Variants in NFIC observed in about 807,000 individuals in gnomAD.
NFIC encodes the protein nuclear factor 1 C-type.
Under a neutral mutation model 54.4 loss-of-function variants are expected in NFIC, and 12 were observed. That is an observed-to-expected ratio of 0.22 (90% confidence interval 0.14 to 0.36). The LOEUF (loss-of-function observed/expected upper bound fraction) is 0.36. Ranked by LOEUF, NFIC falls within the 10% of genes least tolerant of loss-of-function variation. NFIC has a pLI of 1.00. For synonymous variants in NFIC, 322 were observed against 319.2 expected (o/e 1.01, Z -0.09); for missense variants, 575 against 718.2 (o/e 0.80, Z 2.28).
chr19:3,430,760 C>T (rs1364186888), intron 3 of NFIC, among the ~76,000 whole-genome samples: 3 of 151,782 alleles, frequency 2.0e-5, no homozygotes, highest in South Asian at 2.1e-4. Context: ...GGTGAAACCC[C>T]GTCTCTATTA....
At chr19:3,438,645 G>T (rs2082244549) in intron 6 of NFIC, among the ~76,000 whole-genome samples, 1 of 151,928 alleles carries the variant, frequency 6.6e-6, no homozygotes, top group Admixed American at 6.6e-5. Context: ...CACCGTGTTA[G>T]CCAGGATGGT....
At chr19:3,368,374 C>A (rs1220113604) in intron 1 of NFIC, among the ~76,000 whole-genome samples, 1 of 152,172 alleles carries the variant, frequency 6.6e-6, no homozygotes. Context: ...CCAGTCCAGG[C>A]TTTGCCTCAG....
In NFIC at chr19:3,459,709, A is replaced by G. The variant is rs1383083995; in HGVS notation, c.1510-3043A>G. Among the ~76,000 whole-genome samples, 1 of 152,220 alleles carries G rather than the reference A, an allele frequency of 6.6e-6. No homozygotes were observed. Among genetic ancestry groups the G allele is most frequent in the African/African-American group, 2.4e-5 (1 of 41,464 alleles). On this transcript the variant is annotated intron_variant, in intron 10 of 10. Coordinates refer to ENST00000443272, the MANE Select transcript of NFIC (RefSeq NM_001245002.2). The surrounding 1 kb of genome is among the most constrained non-coding windows in gnomAD (Gnocchi z 4.2). ...GGAAGGGCTGAGGGGAGGCTGGTCC[A>G]CCACGGGGAGGGTCACGCCCAGAGT...
chr19:3,375,528 C>T lies in NFIC; in HGVS notation c.31-6184C>T, dbSNP rs2145451068. ...TTGGACAGGGCCTGGGCCGGGCCCC[C>T]TCCACCTCCCCTTTGCCTTAGCAGG... On this transcript the variant is annotated intron_variant, in intron 1 of 10. Coordinates refer to ENST00000443272, the MANE Select transcript of NFIC (RefSeq NM_001245002.2). The surrounding 1 kb of genome is among the most constrained non-coding windows in gnomAD (Gnocchi z 4.6). Among the ~76,000 whole-genome samples, 1 of 152,358 alleles carries T rather than the reference C, an allele frequency of 6.6e-6. No individual in the cohort carries two copies. Among genetic ancestry groups the T allele is most frequent in the Middle Eastern group, 3.4e-3 (1 of 294 alleles).
At chr19:3,367,489 TCCCC>T in intron 1 of NFIC, among the ~76,000 whole-genome samples, 1 of 150,912 alleles carries the variant, frequency 6.6e-6, no homozygotes, top group Non-Finnish European at 1.5e-5. Flanking sequence ...CCCCTCCCCC[TCCCC>T]CTCCCGTAGC....
intron 1 of NFIC, among the ~76,000 whole-genome samples, chr19:3,367,782 C>T (rs2080923931): frequency 6.6e-6 from 1 of 152,154 alleles, no homozygotes; most frequent in South Asian, 2.1e-4. Context: ...ACTGTAAAGT[C>T]CCGGCACGTG....
chr19:3,447,994 G>A (rs568523568), intron 6 of NFIC, among the ~76,000 whole-genome samples: 104 of 151,412 alleles, frequency 6.9e-4, no homozygotes, highest in African/African-American at 2.2e-3. Context: ...AACCTCTGCC[G>A]CCTGGGTTCA....
At chr19:3,377,531 C>T (rs1027606975) in intron 1 of NFIC, among the ~76,000 whole-genome samples, 2 of 152,012 alleles carry the variant, frequency 1.3e-5, no homozygotes, top group East Asian at 3.9e-4. Context: ...AGTTTTGCTT[C>T]TCTTTCTCTT....
intron 6 of NFIC, among the ~76,000 whole-genome samples, chr19:3,444,656 G>A (rs1426293761): frequency 6.6e-6 from 1 of 152,234 alleles, no homozygotes; most frequent in Non-Finnish European, 1.5e-5. Context: ...GGTGCCTGCA[G>A]GGATGTGGCG....
At chr19:3,397,903 G>C (rs962300099) in intron 2 of NFIC, among the ~76,000 whole-genome samples, 1 of 152,172 alleles carries the variant, frequency 6.6e-6, no homozygotes, top group Admixed American at 6.5e-5. Context: ...TCGTGGCTTG[G>C]GGGAGGCCTG....
intron 2 of NFIC, among the ~76,000 whole-genome samples, chr19:3,395,184 C>T (rs189776992): frequency 3.2e-4 from 48 of 152,208 alleles, no homozygotes; most frequent in African/African-American, 1.1e-3. Context: ...CGTGGTGAAA[C>T]CCCATCTCTA....
At position 3,379,378 on chromosome 19, in the gene NFIC, G is replaced by A. The variant is rs190715628; in HGVS notation, c.31-2334G>A. 1.2e-3 allele frequency among the ~76,000 whole-genome samples: 177 copies of A among 144,832 alleles called. 4 individuals are homozygous for A. In the East Asian group the frequency reaches 0.016, roughly 13 times the overall value. On this transcript the variant is annotated intron_variant, in intron 1 of 10. Coordinates refer to ENST00000443272, the MANE Select transcript of NFIC (RefSeq NM_001245002.2). Reference sequence around the variant, plus strand: ...CAGCCGGGTTTTTTTTTTTTGAGACGGAGTCTCACTCTGTCGCCCAGGCTG... The same window carrying A: ...CAGCCGGGTTTTTTTTTTTTGAGACAGAGTCTCACTCTGTCGCCCAGGCTG...
upstream of NFIC, among the ~76,000 whole-genome samples, chr19:3,363,483 G>A (rs1486728662): frequency 1.3e-5 from 2 of 151,470 alleles, no homozygotes; most frequent in African/African-American, 4.9e-5. Context: ...TGTTGGCCAG[G>A]CTGATTTTAA....
At chr19:3,381,089 G>T (rs867106438) in intron 1 of NFIC, among the ~76,000 whole-genome samples, 4 of 152,072 alleles carry the variant, frequency 2.6e-5, no homozygotes, top group South Asian at 2.1e-4. Flanking sequence ...GCATGCTGGG[G>T]TTCAACATAG....
chr19:3,386,989 C>G (rs992874781), intron 2 of NFIC, among the ~76,000 whole-genome samples: 1 of 152,212 alleles, frequency 6.6e-6, no homozygotes, highest in Non-Finnish European at 1.5e-5. Context: ...TTTTCCGAAC[C>G]GAGAGTCCCC....
At chr19:3,367,183 C>G (rs2080906309) in intron 1 of NFIC, among the ~76,000 whole-genome samples, 1 of 152,228 alleles carries the variant, frequency 6.6e-6, no homozygotes, top group Non-Finnish European at 1.5e-5. Context: ...GCGGGCCGCC[C>G]TGGCCCTCGG....
intron 3 of NFIC, among the ~76,000 whole-genome samples, chr19:3,426,596 G>A (rs1317709679): frequency 1.3e-5 from 2 of 152,098 alleles, no homozygotes; most frequent in South Asian, 2.1e-4. Flanking sequence ...AGCCATCCAC[G>A]GCTCCCACCT....
chr19:3,373,619 C>CG (rs1229860652), intron 1 of NFIC, among the ~76,000 whole-genome samples: 4 of 99,548 alleles, frequency 4.0e-5, no homozygotes, highest in Non-Finnish European at 6.5e-5. Flanking sequence ...CTTCCTGGAC[C>CG]CCCCCCCCAA....
chr19:3,398,508 G>GC (rs763305004), intron 2 of NFIC, among the ~76,000 whole-genome samples: 1 of 152,016 alleles, frequency 6.6e-6, no homozygotes, highest in Non-Finnish European at 1.5e-5. Context: ...CACCTTCAGA[G>GC]CAACGGGAAC....
Sources: gnomAD v4.1 joint callset for allele counts (sites outside exome capture counted in the v4.1 genomes callset) on GRCh38, gnomAD v4.1.1 for gene constraint, Gnocchi (gnomAD v3.1) non-coding constraint, MANE v1.5 for transcripts, NCBI Gene and HGNC (gene_info 2026-07-23, HGNC 2026-07-21) for gene names.